NR2C2: variants seen among roughly 807,000 people sequenced by gnomAD.
NR2C2 encodes the protein nuclear receptor subfamily 2 group C member 2.
Under a neutral mutation model 62.9 loss-of-function variants are expected in NR2C2, and 6 were observed. The ratio of observed to expected loss-of-function variants is 0.10; its 90% CI spans 0.05 to 0.19. NR2C2 has a LOEUF of 0.19. Among genes scored for constraint, NR2C2 ranks in the 10% least tolerant of loss-of-function variants. The pLI, the probability that NR2C2 is intolerant of heterozygous loss-of-function variation, is 1.00. For missense variants in NR2C2, 479 were observed against 762.7 expected, an observed-to-expected ratio of 0.63 and a Z score of 4.38; for synonymous variants, 272 against 273.8, an observed-to-expected ratio of 0.99 and a Z score of 0.07.
At chr3:14,949,567 T>C (rs1009476409) in intron 1 of NR2C2, among the ~76,000 whole-genome samples, 8 of 152,258 alleles carry the variant, frequency 5.3e-5, no homozygotes, top group Admixed American at 2.0e-4. Flanking sequence ...TATGAATTAC[T>C]GATGAATACA....
Position 15,024,160 on chromosome 3 carries a change from G to T in NR2C2, c.750G>T (p.Gln250His), listed in dbSNP as rs149255046. 465 of 1,612,914 alleles carry T rather than the reference G, an allele frequency of 2.9e-4. No individual in the cohort carries two copies. Among genetic ancestry groups the T allele is most frequent in the South Asian group, 1.2e-3 (107 of 90,770 alleles). The change falls in exon 7 of 14, where the codon CAG becomes CAT. Residue 250 changes from glutamine (Q) to histidine (H), a missense_variant. Gln to His is a conservative substitution (Grantham distance 24). Around this residue, in one of 4 missense-constraint regions of NR2C2, gnomAD observed 151 missense variants for 176.1 expected, o/e 0.86. Coordinates refer to ENST00000425241, the MANE Select transcript of NR2C2 (RefSeq NM_001291694.2). ...LDPGMLVNIQ[Q>H]PLIREDGTVL... ...CAGGGATGCTTGTGAACATCCAGCA[G>T]CCTTTGATACGTGAGGATGGTACAG...
chr3:14,988,988 A>G (rs1461243244), intron 1 of NR2C2, among the ~76,000 whole-genome samples: 1 of 151,994 alleles, frequency 6.6e-6, no homozygotes, highest in Non-Finnish European at 1.5e-5. Flanking sequence ...TATCCGTAAT[A>G]CCTCTTTTCT....
chr3:14,949,555 C>T (rs1040188942), intron 1 of NR2C2, among the ~76,000 whole-genome samples: 2 of 152,222 alleles, frequency 1.3e-5, no homozygotes, highest in Non-Finnish European at 1.5e-5. Flanking sequence ...ATACAGCCTT[C>T]ATATGAATTA....
chr3:14,987,978 A>G (rs553276513), intron 1 of NR2C2, among the ~76,000 whole-genome samples: 2 of 152,322 alleles, frequency 1.3e-5, no homozygotes, highest in Non-Finnish European at 2.9e-5. Flanking sequence ...ACATAGCATA[A>G]TTTACTAACC....
At chr3:14,950,457 CT>C (rs2039319820) in intron 1 of NR2C2, among the ~76,000 whole-genome samples, 1 of 150,312 alleles carries the variant, frequency 6.7e-6, no homozygotes, top group African/African-American at 2.5e-5. Flanking sequence ...TGTGGTACCC[CT>C]AGCTTCCTGT....
chr3:14,990,416 A>C (rs995625620), intron 1 of NR2C2, among the ~76,000 whole-genome samples: 7 of 152,214 alleles, frequency 4.6e-5, no homozygotes, highest in Admixed American at 1.3e-4. Context: ...CTGTTTCAGC[A>C]GCTGGCAAAA....
chr3:15,043,138 ATC>A lies in NR2C2; in HGVS notation c.*132_*133del. ...GCCATTTCCTGTCTGGTTTCTCCTT[ATC>A]TGTTAATCCCAGACAATAGCAATTA... On this transcript the variant is annotated 3_prime_UTR_variant, in exon 14 of 14. Transcript: ENST00000425241. The A allele has an allele frequency of 1.3e-6, 1 of 787,272 alleles. No individual in the cohort carries two copies. Among genetic ancestry groups the A allele is most frequent in the Non-Finnish European group, 1.9e-6 (1 of 537,660 alleles). The allele number at this position is 787,272 out of a possible 1,614,324, so 48.8% of individuals were successfully genotyped here. A position where few individuals can be genotyped will look rare whatever the true frequency, so the allele number is the denominator to read the frequency against.
chr3:14,972,878 A>G lies in NR2C2; in HGVS notation c.-40+24972A>G, dbSNP rs988669763. 2.0e-5 allele frequency among the ~76,000 whole-genome samples: 3 copies of G among 152,138 alleles called. No individual in the cohort carries two copies. In the East Asian group the frequency reaches 5.8e-4, roughly 29 times the overall value. The stretch of plus-strand genomic sequence containing the variant: ...CTTTTAAACAACCAGATCTCATGGT[A>G]ACTCACTCACTATCATGAGAACAGC... On this transcript the variant is annotated intron_variant, in intron 1 of 13. Transcript: ENST00000425241.
intron 6 of NR2C2, 73 bp downstream of exon 6, chr3:15,023,420 C>T: frequency 6.6e-7 from 1 of 1,513,472 alleles, no homozygotes; most frequent in Non-Finnish European, 9.1e-7. Context: ...CCACAGCAGG[C>T]ACTGTTGTGG....
At chr3:14,959,195 A>C (rs1051762089) in intron 1 of NR2C2, 1 of 152,202 alleles carries the variant, frequency 6.6e-6, no homozygotes, top group Non-Finnish European at 1.5e-5. Flanking sequence ...AGAAGCTCTC[A>C]GGTGAGAGTC....
chr3:14,989,576 C>A (rs2040607927), intron 1 of NR2C2, among the ~76,000 whole-genome samples: 1 of 152,062 alleles, frequency 6.6e-6, no homozygotes, highest in African/African-American at 2.4e-5. Context: ...GGAAGGATCA[C>A]ATGAGTTCAG....
chr3:14,971,989 A>G (rs2040055169), intron 1 of NR2C2, among the ~76,000 whole-genome samples: 1 of 151,142 alleles, frequency 6.6e-6, no homozygotes, highest in Non-Finnish European at 1.5e-5. Flanking sequence ...TTGTAGTTTT[A>G]GTAGAGACGG....
At chr3:14,980,645 T>C (rs2040340747) in intron 1 of NR2C2, among the ~76,000 whole-genome samples, 2 of 152,338 alleles carry the variant, frequency 1.3e-5, no homozygotes, top group South Asian at 4.1e-4. Context: ...ACTAGTTAAA[T>C]ACCTAGTTAA....
rs879435581 is a variant in NR2C2, at chr3:14,971,808, T to A, written c.-40+23902T>A. Among the ~76,000 whole-genome samples, 5 of 147,878 alleles carry A rather than the reference T, an allele frequency of 3.4e-5. 1 individual carries two copies. The Middle Eastern group carries it at 0.014, about 414-fold the overall frequency. On this transcript the variant is annotated intron_variant, in intron 1 of 13. Coordinates refer to ENST00000425241, the MANE Select transcript of NR2C2 (RefSeq NM_001291694.2). ...AAATTAATTTACCTAAATTTCTTTTTTCTTTTTTTTTTTTTTTGAGACAGA... is the reference window on the plus strand; with the variant it reads ...AAATTAATTTACCTAAATTTCTTTTATCTTTTTTTTTTTTTTTGAGACAGA...
intron 1 of NR2C2, among the ~76,000 whole-genome samples, chr3:14,998,105 C>T (rs1401804423): frequency 6.6e-6 from 1 of 152,138 alleles, no homozygotes; most frequent in Non-Finnish European, 1.5e-5. Flanking sequence ...GCACTTCATT[C>T]CTTTTTATTG....
At chr3:14,977,912 G>C (rs570982811) in intron 1 of NR2C2, among the ~76,000 whole-genome samples, 2 of 147,380 alleles carry the variant, frequency 1.4e-5, no homozygotes, top group Non-Finnish European at 3.0e-5. Flanking sequence ...TTGTACCACT[G>C]CACTCCAGCC....
At chr3:15,024,525 G>T (rs2041768719) in intron 7 of NR2C2, among the ~76,000 whole-genome samples, 2 of 152,182 alleles carry the variant, frequency 1.3e-5, no homozygotes, top group Admixed American at 1.3e-4. Context: ...ACTAGCCAAG[G>T]AAAGAAATAC....
At chr3:14,954,482 G>A (rs1022922096) in intron 1 of NR2C2, among the ~76,000 whole-genome samples, 1 of 152,142 alleles carries the variant, frequency 6.6e-6, no homozygotes, top group African/African-American at 2.4e-5. Context: ...AACAATCTAA[G>A]TGTTCATCAG....
chr3:15,038,441 T>C (rs1015420844), intron 12 of NR2C2: 10 of 234,716 alleles, frequency 4.3e-5, no homozygotes, highest in African/African-American at 2.3e-4. Flanking sequence ...CCACCCGATG[T>C]CCTTTCTTTT....
Sources: allele counts gnomAD v4.1 joint callset (sites outside exome capture counted in the v4.1 genomes callset), GRCh38; gene constraint gnomAD v4.1.1; regional missense constraint gnomAD v4.1.1; transcripts MANE v1.5; gene names NCBI Gene and HGNC (gene_info 2026-07-23, HGNC 2026-07-21).